GAD2: variants seen among roughly 807,000 people sequenced by gnomAD.
GAD2 encodes the protein 65 kDa glutamic acid decarboxylase.
Under a neutral mutation model 80.1 loss-of-function variants are expected in GAD2, and 22 were observed. The ratio of observed to expected loss-of-function variants is 0.27; its 90% CI spans 0.20 to 0.39. GAD2 has a LOEUF of 0.39. Among genes scored for constraint, GAD2 ranks in the 10% least tolerant of loss-of-function variants. GAD2 has a pLI of 1.00. For missense variants in GAD2, 624 were observed against 738.4 expected, an observed-to-expected ratio of 0.85 and a Z score of 1.80; for synonymous variants, 274 against 256.9, an observed-to-expected ratio of 1.07 and a Z score of -0.64.
intron 15 of GAD2, among the ~76,000 whole-genome samples, chr10:26,294,765 T>C (rs1239385538): frequency 6.6e-6 from 1 of 152,000 alleles, no homozygotes; most frequent in African/African-American, 2.4e-5. Context: ...TGAGTAGAGG[T>C]CGCATTGGAT....
intron 6 of GAD2, among the ~76,000 whole-genome samples, chr10:26,228,202 T>A (rs761422498): frequency 6.6e-6 from 1 of 152,248 alleles, no homozygotes; most frequent in African/African-American, 2.4e-5. Flanking sequence ...TTTGCATTCA[T>A]AACAATCTGT....
chr10:26,240,774 G>A (rs1259088813), intron 7 of GAD2, among the ~76,000 whole-genome samples: 2 of 148,658 alleles, frequency 1.3e-5, no homozygotes, highest in East Asian at 4.0e-4. Context: ...GCTCACACCT[G>A]TAATCCCAGC....
chr10:26,281,741 C>T (rs2132312569), intron 12 of GAD2, among the ~76,000 whole-genome samples: 1 of 152,272 alleles, frequency 6.6e-6, no homozygotes, highest in South Asian at 2.1e-4. Flanking sequence ...TAGGACCATT[C>T]TCAGTAGGTG....
At chr10:26,236,711 G>A (rs1234479697) in intron 7 of GAD2, among the ~76,000 whole-genome samples, 1 of 152,172 alleles carries the variant, frequency 6.6e-6, no homozygotes, top group Non-Finnish European at 1.5e-5. Flanking sequence ...GGCTGTTTGG[G>A]CAATTTGGAA....
At chr10:26,297,421 T>C (rs974981412) in intron 15 of GAD2, among the ~76,000 whole-genome samples, 26 of 152,204 alleles carry the variant, frequency 1.7e-4, no homozygotes, top group Non-Finnish European at 5.9e-5. Flanking sequence ...ATTCCAATTA[T>C]GGAAAAGTCG....
intron 15 of GAD2, among the ~76,000 whole-genome samples, chr10:26,298,061 G>T (rs1834293853): frequency 6.6e-6 from 1 of 152,180 alleles, no homozygotes; most frequent in East Asian, 1.9e-4. Flanking sequence ...CTTAAGGTCT[G>T]CAATTGCTTA....
At chr10:26,292,359 C>T (rs1333077507) in intron 13 of GAD2, 106 bp from the exon 14 acceptor site, 3 of 785,084 alleles carry the variant, frequency 3.8e-6, no homozygotes, top group Non-Finnish European at 6.4e-6. Flanking sequence ...GAGAAAGTGC[C>T]AGACGGGGCT....
At chr10:26,273,324 C>T (rs377433168) in intron 10 of GAD2, among the ~76,000 whole-genome samples, 1 of 152,242 alleles carries the variant, frequency 6.6e-6, no homozygotes, top group African/African-American at 2.4e-5. Flanking sequence ...CACAGGGTTT[C>T]GTATTCTGAG....
chr10:26,225,068 T>C (rs1844503860), intron 6 of GAD2, among the ~76,000 whole-genome samples: 1 of 152,198 alleles, frequency 6.6e-6, no homozygotes, highest in Non-Finnish European at 1.5e-5. Context: ...GCAAGGTATA[T>C]CTACTCAGTA....
intron 12 of GAD2, among the ~76,000 whole-genome samples, chr10:26,284,379 G>A (rs1011285045): frequency 6.6e-6 from 1 of 152,082 alleles, no homozygotes; most frequent in Non-Finnish European, 1.5e-5. Context: ...ATTTGAGCAC[G>A]GGAATCTCTT....
chr10:26,219,302 G>T, intron 4 of GAD2, 26 bp downstream of exon 4: 9 of 1,350,920 alleles, frequency 6.7e-6, no homozygotes, highest in East Asian at 2.4e-5. Context: ...AAATAATAAA[G>T]CTCTTTTTTC....
At chr10:26,246,093 G>A (rs1434274262) in intron 8 of GAD2, 93 bp downstream of exon 8, 15 of 954,246 alleles carry the variant, frequency 1.6e-5, no homozygotes, top group African/African-American at 8.3e-5. Flanking sequence ...GGACCACGGG[G>A]CAGCAAGTCC....
Position 26,217,440 on chromosome 10 carries a change from C to T in GAD2, c.77-170C>T, listed in dbSNP as rs1018238555. On this transcript the variant is annotated intron_variant, in intron 1 of 15. Coordinates refer to ENST00000376261, the MANE Select transcript of GAD2 (RefSeq NM_001134366.2). The surrounding 1 kb of genome is among the most constrained non-coding windows in gnomAD (Gnocchi z 4.9). ...GGGCTGGCCCGGGCCGCCAGCCTCC[C>T]GCTTGCCTTCTGCACCTGCCGGCCT... 2.6e-5 allele frequency among the ~76,000 whole-genome samples: 4 copies of T among 152,120 alleles called. No homozygotes were observed. Among genetic ancestry groups the T allele is most frequent in the Admixed American group, 1.3e-4 (2 of 15,284 alleles).
At chr10:26,249,601 G>C (rs1157945208) in intron 8 of GAD2, among the ~76,000 whole-genome samples, 1 of 151,846 alleles carries the variant, frequency 6.6e-6, no homozygotes, top group Non-Finnish European at 1.5e-5. Context: ...GGGGCTGAGA[G>C]GTGACTGGCA....
At chr10:26,298,255 A>G (rs1834295781) in intron 15 of GAD2, among the ~76,000 whole-genome samples, 1 of 152,094 alleles carries the variant, frequency 6.6e-6, no homozygotes. Context: ...TTGATATAGG[A>G]GTGTCTATTT....
chr10:26,298,604 C>T (rs1005613470), intron 15 of GAD2, among the ~76,000 whole-genome samples: 1 of 152,132 alleles, frequency 6.6e-6, no homozygotes, highest in South Asian at 2.1e-4. Context: ...TGTATTTTTG[C>T]TTGGATTACC....
intron 12 of GAD2, 61 bp downstream of exon 12, chr10:26,281,148 T>C: frequency 8.2e-7 from 1 of 1,221,248 alleles, no homozygotes; most frequent in East Asian, 2.3e-5. Context: ...CTTTATGCGG[T>C]TGACTTTCTC....
At chr10:26,292,079 G>A (rs1482237777) in intron 13 of GAD2, among the ~76,000 whole-genome samples, 1 of 152,170 alleles carries the variant, frequency 6.6e-6, no homozygotes, top group East Asian at 1.9e-4. Flanking sequence ...AACTAAGCAG[G>A]CATTCTGGGG....
chr10:26,258,752 G>C (rs1844973985), intron 8 of GAD2, among the ~76,000 whole-genome samples: 1 of 151,678 alleles, frequency 6.6e-6, no homozygotes, highest in African/African-American at 2.4e-5. Context: ...CGTATGTGTA[G>C]ATCACATTTT....
Sources: allele counts gnomAD v4.1 joint callset (sites outside exome capture counted in the v4.1 genomes callset), GRCh38; gene constraint gnomAD v4.1.1; non-coding constraint Gnocchi (gnomAD v3.1); transcripts MANE v1.5; gene names NCBI Gene and HGNC (gene_info 2026-07-23, HGNC 2026-07-21).